The following SLC6A20 variants were observed in gnomAD, a reference collection of about 807,000 sequenced individuals.
SLC6A20 encodes solute carrier family 6 member 20.
SLC6A20 carries 73 observed loss-of-function variants against 64.3 expected under a neutral mutation model. The ratio of observed to expected loss-of-function variants is 1.14; its 90% CI spans 0.94 to 1.38. SLC6A20 has a LOEUF of 1.38. Among genes scored for constraint, SLC6A20 ranks in the 40% most tolerant of loss-of-function variants. The probability of loss-of-function intolerance (pLI) is 0.00; values close to 1 mark genes in which losing one functional copy is unlikely to be tolerated. For synonymous variants in SLC6A20, 347 were observed against 329.6 expected (o/e 1.05, Z -0.57); for missense variants, 725 against 772.8 (o/e 0.94, Z 0.73).
At chr3:45,795,988 T>C (rs979006817) in intron 1 of SLC6A20, among the ~76,000 whole-genome samples, 2 of 151,794 alleles carry the variant, frequency 1.3e-5, no homozygotes, top group Admixed American at 6.5e-5. Flanking sequence ...GACACTTCTC[T>C]CGAAGAAGGA....
rs201747191 is a variant in SLC6A20, at chr3:45,765,711, C to G, written c.1129G>C (p.Val377Leu). Residue 377 changes from valine (V) to leucine (L), a missense_variant, in exon 8 of 11, where the codon GTC becomes CTC. By Grantham distance (32) the Val-to-Leu change is conservative. Transcript: ENST00000358525. The surrounding 1 kb of genome is among the most constrained non-coding windows in gnomAD (Gnocchi z 4.2). ...AVQGTGLAFI[V>L]YTEAIKNMEV... ...ATGTTTTTAATGGCCTCTGTGTAGACGATGAATGCCAGGCCAGTGCCCTGG... is the reference window on the plus strand; with the variant it reads ...ATGTTTTTAATGGCCTCTGTGTAGAGGATGAATGCCAGGCCAGTGCCCTGG... 1 of 1,613,990 alleles carries G rather than the reference C, an allele frequency of 6.2e-7. No individual in the cohort carries two copies. Among genetic ancestry groups the G allele is most frequent in the African/African-American group, 1.3e-5 (1 of 74,864 alleles).
chr3:45,771,196 G>A (rs759240637), intron 6 of SLC6A20, 21 bp downstream of exon 6: 49 of 1,613,776 alleles, frequency 3.0e-5, no homozygotes, highest in African/African-American at 1.3e-4. Context: ...CCTGGGACTC[G>A]GTGGGACAGC....
chr3:45,770,166 G>C, intron 7 of SLC6A20, 43 bp downstream of exon 7: 2 of 1,611,922 alleles, frequency 1.2e-6, no homozygotes, highest in Non-Finnish European at 1.7e-6. Context: ...TCCCATGAGT[G>C]TGTGGAGAGA....
At chr3:45,785,696 C>T (rs767855804) in intron 1 of SLC6A20, among the ~76,000 whole-genome samples, 3 of 150,202 alleles carry the variant, frequency 2.0e-5, no homozygotes, top group African/African-American at 7.3e-5. Context: ...AGTAGTAATA[C>T]AACTACATGC....
chr3:45,781,970 T>C, intron 2 of SLC6A20, 113 bp downstream of exon 2: 1 of 1,384,434 alleles, frequency 7.2e-7, no homozygotes, highest in South Asian at 1.6e-5. Flanking sequence ...AAGAGCTCTC[T>C]CTTGGGCCTT....
In SLC6A20 at chr3:45,755,877, GT is replaced by G. The variant is rs1559558548; in HGVS notation, c.*3100del. ...GAGTTCCATGAGCAAAAACTATTCC[GT>G]AGAAGTAACTCTTCCATATAATTGG... On this transcript the variant is annotated 3_prime_UTR_variant, in exon 11 of 11. Coordinates refer to ENST00000358525, the MANE Select transcript of SLC6A20 (RefSeq NM_020208.4). The G allele has an allele frequency of 6.6e-6, 1 of 152,506 alleles. No individual in the cohort carries two copies. The highest frequency in any genetic ancestry group is 6.5e-5 in the Admixed American group (1 of 15,278). 9.4% of individuals were successfully genotyped at this position (152,506 alleles called of 1,614,324 possible). A position where few individuals can be genotyped will look rare whatever the true frequency, so the allele number is the denominator to read the frequency against.
intron 6 of SLC6A20, among the ~76,000 whole-genome samples, chr3:45,770,783 T>C (rs1339895728): frequency 1.3e-5 from 2 of 152,238 alleles, no homozygotes; most frequent in African/African-American, 4.8e-5. Flanking sequence ...TTAAGTTGCA[T>C]TGATTTAAAT....
At chr3:45,766,686 C>T (rs991004866) in intron 7 of SLC6A20, among the ~76,000 whole-genome samples, 2 of 152,062 alleles carry the variant, frequency 1.3e-5, no homozygotes, top group African/African-American at 4.8e-5. Context: ...CAGACTGTAG[C>T]CTTATAACAA....
chr3:45,764,873 T>A (rs1026547190), intron 8 of SLC6A20, among the ~76,000 whole-genome samples: 1 of 152,050 alleles, frequency 6.6e-6, no homozygotes, highest in Non-Finnish European at 1.5e-5. Flanking sequence ...TGGATACATA[T>A]GTAAAATCCA....
chr3:45,779,622 G>C (rs373602253), intron 3 of SLC6A20, among the ~76,000 whole-genome samples: 16 of 152,192 alleles, frequency 1.1e-4, no homozygotes, highest in African/African-American at 3.6e-4. Context: ...GGCCGTTGCT[G>C]TCTTGCTGGA....
At chr3:45,766,863 C>T (rs1178801468) in intron 7 of SLC6A20, among the ~76,000 whole-genome samples, 3 of 152,176 alleles carry the variant, frequency 2.0e-5, no homozygotes, top group Non-Finnish European at 4.4e-5. Context: ...TTTTGCTGGG[C>T]ACAGCGGCTC....
At chr3:45,777,752 C>T (rs917450879) in intron 3 of SLC6A20, among the ~76,000 whole-genome samples, 10 of 152,194 alleles carry the variant, frequency 6.6e-5, no homozygotes, top group African/African-American at 1.9e-4. Flanking sequence ...GCTGCCTAGG[C>T]TGACATCCCC....
chr3:45,779,941 C>T lies in SLC6A20; in HGVS notation c.354+68G>A, dbSNP rs71325086. 1,163 of 1,496,974 alleles carry T rather than the reference C, an allele frequency of 7.8e-4. 5 individuals carry two copies. Among genetic ancestry groups the T allele is most frequent in the Non-Finnish European group, 9.5e-4 (1,043 of 1,100,070 alleles). 92.7% of individuals were successfully genotyped at this position (1,496,974 alleles called of 1,614,324 possible). On this transcript the variant is annotated intron_variant, in intron 3 of 10. Coordinates refer to ENST00000358525, the MANE Select transcript of SLC6A20 (RefSeq NM_020208.4). ...CTTGCCCCACACCCCCTTCCCCGAG[C>T]GGGTGGCCCTGTTTTTCTCTCCCTT...
chr3:45,758,849 C>T lies in SLC6A20; in HGVS notation c.*129G>A. On this transcript the variant is annotated 3_prime_UTR_variant, in exon 11 of 11. Coordinates refer to ENST00000358525, the MANE Select transcript of SLC6A20 (RefSeq NM_020208.4). ...GAGTTTTCTTCCTGCACACCTTCCT[C>T]ATCTTCTTTAGACACTCAGGAAGTT... 5.1e-6 allele frequency: 7 copies of T among 1,382,068 alleles called. No homozygotes were observed. The highest frequency in any genetic ancestry group is 5.6e-6 in the Non-Finnish European group (6 of 1,064,316). The allele number at this position is 1,382,068 out of a possible 1,614,324, so 85.6% of individuals were successfully genotyped here.
At chr3:45,770,949 G>T (rs1351076764) in intron 6 of SLC6A20, among the ~76,000 whole-genome samples, 1 of 152,194 alleles carries the variant, frequency 6.6e-6, no homozygotes, top group African/African-American at 2.4e-5. Flanking sequence ...TCTGAGGTGG[G>T]GGAGATGGGG....
chr3:45,784,897 A>T (rs1331434267), intron 1 of SLC6A20, among the ~76,000 whole-genome samples: 1 of 152,166 alleles, frequency 6.6e-6, no homozygotes, highest in African/African-American at 2.4e-5. Flanking sequence ...AGGGAGCAAG[A>T]GGGAGCAAGA....
rs752237915 is a variant in SLC6A20, at chr3:45,796,404, G to A, written c.16C>T (p.Pro6Ser). The change falls in exon 1 of 11, where the codon CCG (proline) becomes TCG (serine). Residue 6 changes from proline (P) to serine (S), a missense_variant. Coordinates refer to ENST00000358525, the MANE Select transcript of SLC6A20 (RefSeq NM_020208.4). The stretch of plus-strand genomic sequence containing the variant: ...AACTGTAGCGAGTTGGCCCACAGCG[G>A]CCGCGCTTTCTCCATGGCCCCGGCC... MEKAR[P>S]LWANSLQFVF... 7.4e-6 allele frequency: 12 copies of A among 1,612,136 alleles called. No homozygotes were observed. Among genetic ancestry groups the A allele is most frequent in the African/African-American group, 1.3e-5 (1 of 74,654 alleles).
rs763792863 is a variant in SLC6A20, at chr3:45,782,099, C to T, written c.246G>A (p.Pro82=). The part of the protein sequence containing the change: ...GSIGAWRTIS[P]YLSGVGVASV... ...CCCACGTACCGACACCACTGAGGTA[C>T]GGGCTGATGGTCCTCCAGGCGCCGA... Residue 82 remains proline (P), a synonymous_variant, in exon 2 of 11, where the codon CCG becomes CCA. Transcript: ENST00000358525. 9 of 1,611,150 alleles carry T rather than the reference C, an allele frequency of 5.6e-6. No individual in the cohort carries two copies. The highest frequency in any genetic ancestry group is 4.0e-5 in the African/African-American group (3 of 74,840).
chr3:45,772,583 G>A lies in SLC6A20; in HGVS notation c.615C>T (p.Cys205=), dbSNP rs779053318. The A allele has an allele frequency of 1.5e-5, 24 of 1,613,898 alleles. No homozygotes were observed. The highest frequency in any genetic ancestry group is 1.1e-4 in the South Asian group (10 of 91,036). The change falls in exon 5 of 11, where the codon TGC becomes TGT. Residue 205 remains cysteine (C), a synonymous_variant. Transcript: ENST00000358525. ...CCCTGATGAGGTAGATGATGAGCAC[G>A]CAATAGGGCAGTGACGCCGTGAAAT... The part of the protein sequence containing the change: ...VVYFTASLPY[C]VLIIYLIRGL...
Sources: gnomAD v4.1 joint callset for allele counts (sites outside exome capture counted in the v4.1 genomes callset) on GRCh38, gnomAD v4.1.1 for gene constraint, Gnocchi (gnomAD v3.1) non-coding constraint, MANE v1.5 for transcripts, NCBI Gene and HGNC (gene_info 2026-07-23, HGNC 2026-07-21) for gene names.